The following DSG3 variants were observed in gnomAD, a reference collection of about 807,000 sequenced individuals.
The protein encoded by DSG3 is desmoglein 3.
A neutral mutation model predicts 85.9 loss-of-function variants in DSG3; 63 were observed. That is an observed-to-expected ratio of 0.73 (90% CI 0.60 to 0.90). DSG3 has a LOEUF of 0.90. Ranked by LOEUF, DSG3 falls within the 40% of genes least tolerant of loss-of-function variation. The pLI is 0.00. For missense variants in DSG3, 1,220 were observed against 1,219.9 expected, an observed-to-expected ratio of 1.00 and a Z score of 0.00; for synonymous variants, 447 against 441.9, an observed-to-expected ratio of 1.01 and a Z score of -0.14.
Position 31,472,764 on chromosome 18 carries a change from G to A in DSG3, c.2077G>A (p.Gly693Arg), listed in dbSNP as rs1338522026. 6.2e-7 allele frequency: 1 copy of A among 1,614,076 alleles called. No homozygotes were observed. Among genetic ancestry groups the A allele is most frequent in the African/African-American group, 1.3e-5 (1 of 75,054 alleles). ...TTGTGTGCCTCCTGTAACAGCCAAT[G>A]GAGCCGATTTCATGGAAAGTTCTGG... is the stretch of plus-strand genomic sequence containing the variant. ...NICVPPVTAN[G>R]ADFMESSEVC... Residue 693 changes from glycine (G) to arginine (R), a missense_variant, in exon 14 of 16, where the codon GGA becomes AGA. Physicochemically the swap from Gly to Arg is moderately radical, Grantham distance 125. Transcript: ENST00000257189.
chr18:31,456,510 ATAGT>A (rs774423278), intron 2 of DSG3, 35 bp downstream of exon 2: 24 of 1,218,374 alleles, frequency 2.0e-5, no homozygotes, highest in Non-Finnish European at 2.4e-5. Flanking sequence ...ACTTAAAATA[ATAGT>A]TTAGTTTAAA....
Position 31,459,990 on chromosome 18 carries a change from G to T in DSG3, c.663G>T (p.Leu221Phe). 1 of 1,613,680 alleles carries T rather than the reference G, an allele frequency of 6.2e-7. No individual in the cohort carries two copies. Among genetic ancestry groups the T allele is most frequent in the Non-Finnish European group, 8.5e-7 (1 of 1,179,828 alleles). The change falls in exon 6 of 16, where the codon TTG becomes TTT. Residue 221 changes from leucine to phenylalanine, a missense_variant. Leu to Phe is a conservative substitution (Grantham distance 22). Coordinates refer to ENST00000257189, the MANE Select transcript of DSG3 (RefSeq NM_001944.3). Reference protein sequence around the residue: ...LSRNTGEVRTLTNSLDREQAS... With the variant: ...LSRNTGEVRTFTNSLDREQAS... ...GAAACACTGGGGAAGTCCGTACTTT[G>T]ACCAATTCTCTTGACCGAGAGGTAC...
chr18:31,472,562 A>T (rs1159732143), intron 13 of DSG3, 139 bp downstream of exon 13: 1 of 1,256,154 alleles, frequency 8.0e-7, no homozygotes, highest in Non-Finnish European at 1.1e-6. Flanking sequence ...GGCTTTTAGG[A>T]TTTTAGCTCT....
intron 14 of DSG3, 43 bp downstream of exon 14, chr18:31,472,831 G>C (rs768168012): frequency 1.3e-6 from 2 of 1,555,080 alleles, no homozygotes; most frequent in Non-Finnish European, 1.8e-6. Context: ...TGAGTTAAGT[G>C]GTAAATATTA....
rs773716541 is a variant in DSG3 at position 31,459,036 on chromosome 18, A to G, written c.376A>G (p.Thr126Ala). The change falls in exon 5 of 16, where the codon ACA becomes GCA. Residue 126 changes from threonine (T) to alanine (A), a missense_variant. By Grantham distance (58) the Thr-to-Ala change is moderately conservative. Coordinates refer to ENST00000257189, the MANE Select transcript of DSG3 (RefSeq NM_001944.3). ...CACATTTTCCCTCTGTTCCTAGATC[A>G]CATGTCGGGCTCTAAATGCCCAAGG... ...DREETPSFLI[T>A]CRALNAQGLD... The G allele has an allele frequency of 6.2e-7, 1 of 1,613,306 alleles. No individual in the cohort carries two copies. Among genetic ancestry groups the G allele is most frequent in the South Asian group, 1.1e-5 (1 of 90,772 alleles).
intron 11 of DSG3, among the ~76,000 whole-genome samples, chr18:31,467,744 G>A (rs1340367444): frequency 6.6e-6 from 1 of 152,120 alleles, no homozygotes; most frequent in Non-Finnish European, 1.5e-5. Flanking sequence ...GCTCCTTTCT[G>A]AACCAGCCTT....
In DSG3 at chr18:31,461,269, C is replaced by A. The variant is rs757289679; in HGVS notation, c.856C>A (p.Leu286Ile). The change falls in exon 8 of 16, where the codon CTT (leucine) becomes ATT (isoleucine). Residue 286 changes from leucine (L) to isoleucine (I), a missense_variant. By Grantham distance (5) the Leu-to-Ile change is conservative (BLOSUM62 2). Coordinates refer to ENST00000257189, the MANE Select transcript of DSG3 (RefSeq NM_001944.3). ...AGAAAATATTTTAAGTTCTGAATTA[C>A]TTCGATTTCAAGTAACAGATTTGGA... is the stretch of plus-strand genomic sequence containing the variant. Reference protein sequence around the residue: ...IEENILSSELLRFQVTDLDEE... With the variant: ...IEENILSSELIRFQVTDLDEE... 6.2e-7 allele frequency: 1 copy of A among 1,613,366 alleles called. No individual in the cohort carries two copies. Among genetic ancestry groups the A allele is most frequent in the African/African-American group, 1.3e-5 (1 of 74,858 alleles).
Position 31,456,451 on chromosome 18 carries a change from G to C in DSG3, c.60G>C (p.Leu20Phe), listed in dbSNP as rs146619619. 3 of 1,347,992 alleles carry C rather than the reference G, an allele frequency of 2.2e-6. No homozygotes were observed. In the African/African-American group the frequency reaches 4.5e-5, roughly 20 times the overall value. 83.5% of individuals were successfully genotyped at this position (1,347,992 alleles called of 1,614,324 possible). Residue 20 changes from leucine (L) to phenylalanine (F), a missense_variant, in exon 2 of 16, where the codon TTG (leucine) becomes TTC (phenylalanine). Coordinates refer to ENST00000257189, the MANE Select transcript of DSG3 (RefSeq NM_001944.3). ...TTAAATGTCTGCAGGTGGTCATATT[G>C]GTTCATGGAGAATTGCGAATAGAGG... is the stretch of plus-strand genomic sequence containing the variant. ...GALAIFVVVILVHGELRIETK... is the reference protein window; with the variant it reads ...GALAIFVVVIFVHGELRIETK...
At chr18:31,452,572 G>A (rs910353493) in intron 1 of DSG3, among the ~76,000 whole-genome samples, 4 of 145,240 alleles carry the variant, frequency 2.8e-5, no homozygotes, top group Admixed American at 6.9e-5. Context: ...TTTGAAGTTT[G>A]GTGACAGAAT....
At chr18:31,471,386 G>A (rs1008626385) in intron 12 of DSG3, among the ~76,000 whole-genome samples, 1 of 152,172 alleles carries the variant, frequency 6.6e-6, no homozygotes, top group Admixed American at 6.5e-5. Context: ...AGTTAACTGA[G>A]CAAAGAAGGA....
chr18:31,467,004 T>G (rs3794925), intron 11 of DSG3, among the ~76,000 whole-genome samples: 2 of 152,024 alleles, frequency 1.3e-5, no homozygotes, highest in Non-Finnish European at 2.9e-5. Context: ...ACATTTTAAA[T>G]CTGTTTATTT....
intron 8 of DSG3, among the ~76,000 whole-genome samples, chr18:31,462,394 T>C (rs1438747967): frequency 6.6e-6 from 1 of 152,332 alleles, no homozygotes; most frequent in East Asian, 1.9e-4. Flanking sequence ...TTTTGGATTC[T>C]ATGAGAGCGT....
intron 1 of DSG3, among the ~76,000 whole-genome samples, chr18:31,452,409 C>G (rs1285152059): frequency 1.3e-5 from 2 of 150,812 alleles, no homozygotes; most frequent in African/African-American, 2.4e-5. Context: ...GTTCCAGCTA[C>G]TCGGGAGGCT....
At chr18:31,460,115 G>T in intron 6 of DSG3, 104 bp downstream of exon 6, 1 of 1,255,800 alleles carries the variant, frequency 8.0e-7, no homozygotes, top group South Asian at 1.6e-5. Context: ...AAGAAAAGAG[G>T]TTCTCAGTAC....
rs901540135 is a variant in DSG3 at position 31,466,668 on chromosome 18, A to G, written c.1550A>G (p.Asn517Ser). 1.9e-6 allele frequency: 3 copies of G among 1,614,218 alleles called. No homozygotes were observed. Among genetic ancestry groups the G allele is most frequent in the Non-Finnish European group, 2.5e-6 (3 of 1,180,036 alleles). ...PSVVVSARTL[N>S]NRYTGPYTFA... ...GTGGTTGTCTCCGCTAGAACACTGA[A>G]TAATAGATACACTGGCCCCTATACA... The change falls in exon 11 of 16, where the codon AAT becomes AGT. Residue 517 changes from asparagine to serine, a missense_variant. Physicochemically the swap from Asn to Ser is conservative, Grantham distance 46 (BLOSUM62 1). Coordinates refer to ENST00000257189, the MANE Select transcript of DSG3 (RefSeq NM_001944.3).
chr18:31,472,515 T>C, intron 13 of DSG3, 92 bp downstream of exon 13: 1 of 1,460,266 alleles, frequency 6.8e-7, no homozygotes, highest in East Asian at 2.4e-5. Flanking sequence ...AGAGATTTCT[T>C]GACCTTCAGT....
rs59012454 is a variant in DSG3 at position 31,474,552 on chromosome 18, TAC to T, written c.2385+150_2385+151del. ...GTTTGTTTGTTTTTTGCCAAAATAATACAGATAACCTAAGGTAGCTGTCAAAA... is the reference window on the plus strand; with the variant it reads ...GTTTGTTTGTTTTTTGCCAAAATAATAGATAACCTAAGGTAGCTGTCAAAA... On this transcript the variant is annotated intron_variant, in intron 15 of 15. Transcript: ENST00000257189. 1.5e-3 allele frequency: 1,547 copies of T among 1,040,504 alleles called. 15 individuals carry two copies. The African/African-American group carries it at 0.023, about 15-fold the overall frequency. The allele number at this position is 1,040,504 out of a possible 1,614,324, so 64.5% of individuals were successfully genotyped here.
At chr18:31,464,788 C>T (rs1412061389) in intron 9 of DSG3, among the ~76,000 whole-genome samples, 1 of 152,140 alleles carries the variant, frequency 6.6e-6, no homozygotes, top group Non-Finnish European at 1.5e-5. Flanking sequence ...CTATATTATA[C>T]AGAGCAAGAA....
Position 31,447,913 on chromosome 18 carries a change from G to C in DSG3, c.36G>C (p.Leu12=), listed in dbSNP as rs938312080. Residue 12 remains leucine (L), a synonymous_variant, in exon 1 of 16, where the codon CTG becomes CTC. Coordinates refer to ENST00000257189, the MANE Select transcript of DSG3 (RefSeq NM_001944.3). ...MGLFPRTTGA[L]AIFVVVILVH... The stretch of plus-strand genomic sequence containing the variant: ...TCTTCCCCAGAACTACAGGGGCTCT[G>C]GCCATCTTCGTGGTAAGTCCTGGAT... The C allele has an allele frequency of 2.5e-6, 4 of 1,584,348 alleles. No homozygotes were observed.
Sources: gnomAD v4.1 joint callset for allele counts (sites outside exome capture counted in the v4.1 genomes callset) on GRCh38, gnomAD v4.1.1 for gene constraint, MANE v1.5 for transcripts, NCBI Gene and HGNC (gene_info 2026-07-23, HGNC 2026-07-21) for gene names.